Variants in RPS6KC1 observed in about 807,000 individuals in gnomAD.
RPS6KC1 encodes the protein inactive ribosomal protein S6 kinase delta-1.
In RPS6KC1, 54 loss-of-function variants were observed where a neutral mutation model predicts 103.8. The observed-to-expected ratio is 0.52, with a 90% CI of 0.42 to 0.65. The LOEUF is 0.65. Among genes scored for constraint, RPS6KC1 ranks in the 30% least tolerant of loss-of-function variants. The pLI is 0.00. For missense variants in RPS6KC1, 1,151 were observed against 1,253.8 expected (o/e 0.92, Z 1.24); for synonymous variants, 439 against 438.7 (o/e 1.00, Z -0.01).
At chr1:213,656,628 G>A in the RPS6KC1 span, among the ~76,000 whole-genome samples, 1 of 152,182 alleles carries the variant, frequency 6.6e-6, no homozygotes, top group Non-Finnish European at 1.5e-5. Context: ...CAGTAGGCAA[G>A]CCAGGACTGG....
At chr1:213,485,113 A>T in the RPS6KC1 span, among the ~76,000 whole-genome samples, 1 of 152,034 alleles carries the variant, frequency 6.6e-6, no homozygotes, top group Non-Finnish European at 1.5e-5. Flanking sequence ...CAATCCTCCC[A>T]TCCTGGCCTC....
intron 14 of RPS6KC1, among the ~76,000 whole-genome samples, chr1:213,265,433 A>G (rs1210097987): frequency 6.6e-6 from 1 of 152,224 alleles, no homozygotes; most frequent in African/African-American, 2.4e-5. Context: ...AAGAACTTAC[A>G]TGTTTATGTG....
chr1:213,399,878 G>A, the RPS6KC1 span, among the ~76,000 whole-genome samples: 1 of 152,160 alleles, frequency 6.6e-6, no homozygotes, highest in Admixed American at 6.5e-5. Context: ...GAAGCTGCCG[G>A]TTACTGTTTT....
At chr1:213,548,713 G>A in the RPS6KC1 span, among the ~76,000 whole-genome samples, 1 of 152,122 alleles carries the variant, frequency 6.6e-6, no homozygotes, top group Non-Finnish European at 1.5e-5. Flanking sequence ...ATGGATAATG[G>A]AGTAAGAAGT....
At chr1:213,664,023 G>T in the RPS6KC1 span, among the ~76,000 whole-genome samples, 4 of 152,158 alleles carry the variant, frequency 2.6e-5, no homozygotes, top group Non-Finnish European at 5.9e-5. Flanking sequence ...GCAGCCTAGG[G>T]CAGGGAGAGC....
chr1:213,422,796 C>T, the RPS6KC1 span, among the ~76,000 whole-genome samples: 2 of 152,204 alleles, frequency 1.3e-5, no homozygotes, highest in Admixed American at 6.5e-5. Context: ...TTTGTATTGA[C>T]ACCATATTAC....
chr1:213,853,146 C>T, the RPS6KC1 span, among the ~76,000 whole-genome samples: 197 of 152,324 alleles, frequency 1.3e-3, no homozygotes, highest in African/African-American at 4.7e-3. Context: ...CTGCCACCCT[C>T]TGCCTCTGCC....
At chr1:213,132,429 C>T (rs578020539) in intron 6 of RPS6KC1, among the ~76,000 whole-genome samples, 1 of 152,112 alleles carries the variant, frequency 6.6e-6, no homozygotes, top group Non-Finnish European at 1.5e-5. Flanking sequence ...ATAAAAGAAC[C>T]TTTGTTTCAG....
the RPS6KC1 span, among the ~76,000 whole-genome samples, chr1:213,280,345 G>C: frequency 6.6e-6 from 1 of 152,172 alleles, no homozygotes; most frequent in Admixed American, 6.5e-5. Context: ...TTCAGAAATA[G>C]ATGGCATAAA....
intron 3 of RPS6KC1, among the ~76,000 whole-genome samples, chr1:213,080,382 A>G (rs1021469928): frequency 2.0e-5 from 3 of 152,174 alleles, no homozygotes; most frequent in African/African-American, 7.2e-5. Context: ...TCATTTGTCT[A>G]AGATGATTCT....
chr1:213,594,385 GA>G, the RPS6KC1 span, among the ~76,000 whole-genome samples: 10 of 152,136 alleles, frequency 6.6e-5, no homozygotes, highest in Admixed American at 6.5e-5. Flanking sequence ...GTTTTGGATA[GA>G]GGGGTAAAAT....
chr1:213,116,554 T>G (rs2083649863), intron 4 of RPS6KC1, among the ~76,000 whole-genome samples: 2 of 144,078 alleles, frequency 1.4e-5, no homozygotes, highest in Non-Finnish European at 3.0e-5. Context: ...CCATTTACAT[T>G]TAAAGTTAAT....
At chr1:213,567,333 G>GA in the RPS6KC1 span, among the ~76,000 whole-genome samples, 2 of 152,156 alleles carry the variant, frequency 1.3e-5, no homozygotes, top group Non-Finnish European at 2.9e-5. Context: ...ATACTGGGGG[G>GA]AAATGGGATG....
the RPS6KC1 span, among the ~76,000 whole-genome samples, chr1:213,436,162 G>A: frequency 2.6e-5 from 4 of 152,152 alleles, no homozygotes; most frequent in African/African-American, 9.7e-5. Context: ...TGGGTTGAAC[G>A]CAACAGTCTT....
chr1:213,161,552 C>T (rs925431967), intron 6 of RPS6KC1, among the ~76,000 whole-genome samples: 2 of 152,092 alleles, frequency 1.3e-5, no homozygotes, highest in Admixed American at 1.3e-4. Context: ...AATTCCTGAC[C>T]TCAAATGATC....
At chr1:213,063,439 TG>T (rs2078021929) in intron 1 of RPS6KC1, among the ~76,000 whole-genome samples, 2 of 152,350 alleles carry the variant, frequency 1.3e-5, no homozygotes, top group East Asian at 3.9e-4. Flanking sequence ...TTACCAAGCA[TG>T]GTTGTAGTGA....
At chr1:213,488,824 T>C in the RPS6KC1 span, among the ~76,000 whole-genome samples, 1 of 152,246 alleles carries the variant, frequency 6.6e-6, no homozygotes, top group African/African-American at 2.4e-5. Flanking sequence ...GCTAACACTT[T>C]ACTCGCCTTA....
At chr1:213,123,535 G>A (rs2084636945) in intron 5 of RPS6KC1, among the ~76,000 whole-genome samples, 1 of 152,016 alleles carries the variant, frequency 6.6e-6, no homozygotes, top group Non-Finnish European at 1.5e-5. Flanking sequence ...GTTCTTTTTT[G>A]TAACAATAGC....
chr1:213,151,114 C>T (rs893131250), intron 6 of RPS6KC1, among the ~76,000 whole-genome samples: 20 of 135,800 alleles, frequency 1.5e-4, no homozygotes, highest in South Asian at 4.8e-4. Context: ...GCTGGCTGGG[C>T]GGGGGGCTGA....
Sources: gnomAD v4.1 joint callset for allele counts (sites outside exome capture counted in the v4.1 genomes callset) on GRCh38, gnomAD v4.1.1 for gene constraint, MANE v1.5 for transcripts, NCBI Gene and HGNC (gene_info 2026-07-23, HGNC 2026-07-21) for gene names.